PDLIM5: variants seen among roughly 807,000 people sequenced by gnomAD.
The protein encoded by PDLIM5 is PDZ and LIM domain 5.
Under a neutral mutation model 64.2 loss-of-function variants are expected in PDLIM5, and 34 were observed. The ratio of observed to expected loss-of-function variants is 0.53; its 90% CI spans 0.40 to 0.71. The LOEUF (loss-of-function observed/expected upper bound fraction) is 0.71, where lower values mean the gene tolerates loss of function less well. PDLIM5 is among the 30% of genes least tolerant of loss of function. PDLIM5 has a pLI of 0.00. For missense variants in PDLIM5, 683 were observed against 733.6 expected, an observed-to-expected ratio of 0.93 and a Z score of 0.80; for synonymous variants, 253 against 269.1, an observed-to-expected ratio of 0.94 and a Z score of 0.59.
intron 2 of PDLIM5, among the ~76,000 whole-genome samples, chr4:94,478,172 C>G (rs886271967): frequency 8.7e-5 from 13 of 149,938 alleles, no homozygotes; most frequent in African/African-American, 2.9e-4. Flanking sequence ...AGGAGAATTG[C>G]TTGAACCCGG....
chr4:94,640,283 C>T lies in PDLIM5; in HGVS notation c.1116C>T (p.Ser372=). ...SWQRPNQGVP[S]TGRISNSATY... ...TTCTGTTTTAACTCCTAGTACCTTCCACTGGAAGAATCTCAAACAGCGCTA... is the reference window on the plus strand; with the variant it reads ...TTCTGTTTTAACTCCTAGTACCTTCTACTGGAAGAATCTCAAACAGCGCTA... Residue 372 remains serine (S), a synonymous_variant, in exon 9 of 13, where the codon TCC becomes TCT. Coordinates refer to ENST00000317968, the MANE Select transcript of PDLIM5 (RefSeq NM_006457.5). 1 of 1,594,804 alleles carries T rather than the reference C, an allele frequency of 6.3e-7. No individual in the cohort carries two copies. The highest frequency in any genetic ancestry group is 8.6e-7 in the Non-Finnish European group (1 of 1,164,844).
At chr4:94,517,073 G>GACATC (rs909967958) in intron 2 of PDLIM5, among the ~76,000 whole-genome samples, 2 of 152,102 alleles carry the variant, frequency 1.3e-5, no homozygotes, top group African/African-American at 4.8e-5. Flanking sequence ...ATGCGGGGGG[G>GACATC]ACATCACATC....
At chr4:94,492,334 G>C (rs942214574) in intron 2 of PDLIM5, among the ~76,000 whole-genome samples, 1 of 151,270 alleles carries the variant, frequency 6.6e-6, no homozygotes, top group African/African-American at 2.4e-5. Context: ...TTTCTGATTG[G>C]AATGAATTTA....
chr4:94,638,285 C>T (rs542804700), intron 8 of PDLIM5, among the ~76,000 whole-genome samples: 2 of 152,274 alleles, frequency 1.3e-5, no homozygotes, highest in East Asian at 1.9e-4. Flanking sequence ...GTGAATATTA[C>T]AGCACTTTTC....
chr4:94,502,635 G>C lies in PDLIM5; in HGVS notation c.97-21089G>C, dbSNP rs533436624. Among the ~76,000 whole-genome samples, 24 of 152,286 alleles carry C rather than the reference G, an allele frequency of 1.6e-4. 1 individual carries two copies. The highest frequency in any genetic ancestry group is 1.3e-3 in the Admixed American group (20 of 15,294). On this transcript the variant is annotated intron_variant, in intron 2 of 12. Transcript: ENST00000317968. The stretch of plus-strand genomic sequence containing the variant: ...CTCACACCTGTAATCCCAGCACTTT[G>C]GGAAGCCGAGGTGGGTGGATCTTTT...
intron 2 of PDLIM5, among the ~76,000 whole-genome samples, chr4:94,522,366 T>A (rs974431146): frequency 1.3e-5 from 2 of 152,080 alleles, no homozygotes; most frequent in Non-Finnish European, 2.9e-5. Flanking sequence ...GTTAACCATG[T>A]TTATCATTTT....
At chr4:94,604,027 T>C (rs984411038) in intron 7 of PDLIM5, among the ~76,000 whole-genome samples, 7 of 152,266 alleles carry the variant, frequency 4.6e-5, no homozygotes, top group African/African-American at 1.7e-4. Context: ...GGGCTAGATA[T>C]AAATCTGGAC....
chr4:94,658,005 C>A (rs1742352349), intron 11 of PDLIM5, among the ~76,000 whole-genome samples: 1 of 152,182 alleles, frequency 6.6e-6, no homozygotes. Context: ...CCTATATAGA[C>A]TTTTTAATGT....
rs548665455 is a variant in PDLIM5, at chr4:94,505,583, TC to T, written c.97-18140del. Among the ~76,000 whole-genome samples, 41 of 152,274 alleles carry T rather than the reference TC, an allele frequency of 2.7e-4. No homozygotes were observed. In the South Asian group the frequency reaches 8.3e-3, roughly 31 times the overall value. ...GGCTGGAAGTCACCTATATTTCTGA[TC>T]AACTGGCTATAAATTGCTGGGTCCC... On this transcript the variant is annotated intron_variant, in intron 2 of 12. Transcript: ENST00000317968.
Position 94,567,096 on chromosome 4 carries a change from T to C in PDLIM5, c.249-6255T>C, listed in dbSNP as rs546709074. ...GCAAGCTCCGCCTCCCGGTTCACGC[T>C]GTTCTCCTGCTTCAGCCTCCCGAGT... On this transcript the variant is annotated intron_variant, in intron 3 of 12. Transcript: ENST00000317968. Among the ~76,000 whole-genome samples, 335 of 152,298 alleles carry C rather than the reference T, an allele frequency of 2.2e-3. 1 individual carries two copies. The highest frequency in any genetic ancestry group is 6.3e-3 in the African/African-American group (262 of 41,574).
At chr4:94,581,914 C>G (rs62316472) in intron 5 of PDLIM5, among the ~76,000 whole-genome samples, 1 of 152,152 alleles carries the variant, frequency 6.6e-6, no homozygotes, top group Non-Finnish European at 1.5e-5. Context: ...ATCAGACACG[C>G]CTTCTGGGCA....
chr4:94,461,538 G>A (rs963522775), intron 2 of PDLIM5, among the ~76,000 whole-genome samples: 5 of 149,496 alleles, frequency 3.3e-5, no homozygotes, highest in Non-Finnish European at 6.0e-5. Flanking sequence ...TTTTTTTAAA[G>A]GTAATAAACT....
chr4:94,625,731 A>G (rs1049116728), intron 8 of PDLIM5, among the ~76,000 whole-genome samples: 42 of 152,116 alleles, frequency 2.8e-4, no homozygotes, highest in South Asian at 2.3e-3. Context: ...GGGATTACAG[A>G]CGTGAGCCAC....
At chr4:94,464,164 T>G (rs925799209) in intron 2 of PDLIM5, among the ~76,000 whole-genome samples, 15 of 152,336 alleles carry the variant, frequency 9.8e-5, no homozygotes, top group South Asian at 2.1e-4. Context: ...GAGAAGAATT[T>G]GCAACACTTG....
chr4:94,516,853 A>G (rs1041549570), intron 2 of PDLIM5, among the ~76,000 whole-genome samples: 1 of 152,162 alleles, frequency 6.6e-6, no homozygotes, highest in Non-Finnish European at 1.5e-5. Context: ...TTTAAGAGGG[A>G]TGTTTACATT....
intron 7 of PDLIM5, among the ~76,000 whole-genome samples, chr4:94,604,547 T>C (rs927177577): frequency 1.3e-4 from 20 of 152,052 alleles, no homozygotes; most frequent in African/African-American, 3.6e-4. Flanking sequence ...GGCAGGAGAA[T>C]CGTTTGAACC....
chr4:94,470,018 G>A (rs900278383), intron 2 of PDLIM5, among the ~76,000 whole-genome samples: 12 of 124,704 alleles, frequency 9.6e-5, no homozygotes, highest in Admixed American at 8.9e-4. Flanking sequence ...CCAGGCTGGA[G>A]TGCAGTGGCG....
chr4:94,568,440 A>AT (rs1383949904), intron 3 of PDLIM5, among the ~76,000 whole-genome samples: 43 of 152,170 alleles, frequency 2.8e-4, no homozygotes, highest in African/African-American at 1.0e-3. Flanking sequence ...CTGTAATGAA[A>AT]TTTTTTCCAT....
intron 3 of PDLIM5, among the ~76,000 whole-genome samples, chr4:94,558,559 G>A (rs188669058): frequency 1.0e-3 from 155 of 152,292 alleles, no homozygotes; most frequent in African/African-American, 3.6e-3. Flanking sequence ...TGTTACAGCA[G>A]CCCAGTAGAG....
Sources: allele counts gnomAD v4.1 joint callset (sites outside exome capture counted in the v4.1 genomes callset), GRCh38; gene constraint gnomAD v4.1.1; transcripts MANE v1.5; gene names NCBI Gene and HGNC (gene_info 2026-07-23, HGNC 2026-07-21).